GAPVD1: variants seen among roughly 807,000 people sequenced by gnomAD.
GAPVD1 encodes the protein GTPase activating protein and VPS9 domains 1, also known as GTPase-activating protein and VPS9 domain-containing protein 1.
In GAPVD1, 35 loss-of-function variants were observed where a neutral mutation model predicts 155.5. The ratio of observed to expected loss-of-function variants is 0.23; its 90% CI spans 0.17 to 0.30. The LOEUF is 0.30. Ranked by LOEUF, GAPVD1 falls within the 10% of genes least tolerant of loss-of-function variation. GAPVD1 has a pLI of 1.00. For missense variants in GAPVD1, 1,429 were observed against 1,775.7 expected, an observed-to-expected ratio of 0.80 and a Z score of 3.51; for synonymous variants, 636 against 619.7, an observed-to-expected ratio of 1.03 and a Z score of -0.39.
chr9:125,300,946 G>T lies in GAPVD1; in HGVS notation c.186-1037G>T, dbSNP rs543522008. Among the ~76,000 whole-genome samples, 15 of 152,310 alleles carry T rather than the reference G, an allele frequency of 9.8e-5. 1 individual carries two copies. The South Asian group carries it at 3.1e-3, about 32-fold the overall frequency. ...TGATTCTGCAGGTCATTACATACTG[G>T]CATGTTGCTGTTGAGAATGGTTGAG... On this transcript the variant is annotated intron_variant, in intron 4 of 27. Coordinates refer to ENST00000297933, the MANE Select transcript of GAPVD1 (RefSeq NM_001282680.3).
chr9:125,338,518 C>T (rs544824740), intron 17 of GAPVD1, among the ~76,000 whole-genome samples: 77 of 152,322 alleles, frequency 5.1e-4, no homozygotes, highest in South Asian at 1.7e-3. Context: ...CAGTCTAGAA[C>T]AGTTCCTCAG....
chr9:125,346,856 G>T lies in GAPVD1; in HGVS notation c.3084G>T (p.Val1028=). The part of the protein sequence containing the change: ...PSPRLSAQAQ[V]AEDILDKYRN... ...CTAGACTCAGTGCACAAGCTCAGGT[G>T]GCTGAGGATATTCTGGACAAATACA... The change falls in exon 20 of 28, where the codon GTG becomes GTT. Residue 1028 remains valine (V), a synonymous_variant. Transcript: ENST00000297933. 3 of 1,614,040 alleles carry T rather than the reference G, an allele frequency of 1.9e-6. No homozygotes were observed. The highest frequency in any genetic ancestry group is 2.5e-6 in the Non-Finnish European group (3 of 1,179,908).
intron 2 of GAPVD1, among the ~76,000 whole-genome samples, chr9:125,272,032 C>T (rs1834997616): frequency 6.6e-6 from 1 of 151,188 alleles, no homozygotes; most frequent in East Asian, 1.9e-4. Flanking sequence ...TACATTAATT[C>T]TTTTTTTTTG....
At chr9:125,263,699 A>G in intron 1 of GAPVD1, 1 of 206,122 alleles carries the variant, frequency 4.9e-6, no homozygotes, top group Non-Finnish European at 7.9e-6. Flanking sequence ...CTCCATCTGT[A>G]GGTATGTCTG....
At chr9:125,309,851 AT>A in intron 8 of GAPVD1, 1 of 348,282 alleles carries the variant, frequency 2.9e-6, no homozygotes, top group Non-Finnish European at 6.2e-6. Flanking sequence ...TGGCTATTGC[AT>A]TTATTTCGTA....
chr9:125,292,676 C>A (rs1838801462), intron 2 of GAPVD1, among the ~76,000 whole-genome samples: 1 of 151,792 alleles, frequency 6.6e-6, no homozygotes, highest in African/African-American at 2.4e-5. Context: ...AGGCGTGAAC[C>A]ACCACGCCCG....
chr9:125,305,626 C>T (rs1487243551), intron 6 of GAPVD1, among the ~76,000 whole-genome samples: 2 of 152,024 alleles, frequency 1.3e-5, no homozygotes, highest in African/African-American at 4.8e-5. Flanking sequence ...GCCTCGGCCT[C>T]CCAAAGTGCT....
intron 23 of GAPVD1, among the ~76,000 whole-genome samples, chr9:125,352,716 T>C (rs1849481677): frequency 6.6e-6 from 1 of 152,244 alleles, no homozygotes; most frequent in Non-Finnish European, 1.5e-5. Flanking sequence ...CAAATTTCTA[T>C]AGCCAGCGTG....
intron 6 of GAPVD1, among the ~76,000 whole-genome samples, chr9:125,306,695 G>A (rs1359043651): frequency 6.6e-6 from 1 of 152,114 alleles, no homozygotes; most frequent in Admixed American, 6.6e-5. Flanking sequence ...GTTTTGCCCT[G>A]TTGCCCCAAG....
intron 22 of GAPVD1, 130 bp from the exon 23 acceptor site, chr9:125,350,583 T>A (rs1000695370): frequency 2.9e-6 from 2 of 683,488 alleles, no homozygotes; most frequent in Admixed American, 2.8e-5. Context: ...ATTTTCTAAT[T>A]GGGAGTGGCA....
rs1362700988 is a variant in GAPVD1, at chr9:125,295,506, C to G, written c.-101C>G. On this transcript the variant is annotated 5_prime_UTR_variant, in exon 3 of 28. Transcript: ENST00000297933. ...GGAGTGCAGTGACACGATCTCAGCT[C>G]ACTGTAACCTCCGCCTCCCGGGTTC... 6.8e-6 allele frequency: 1 copy of G among 147,366 alleles called. No individual in the cohort carries two copies. Among genetic ancestry groups the G allele is most frequent in the African/African-American group, 2.5e-5 (1 of 39,704 alleles). The allele number at this position is 147,366 out of a possible 1,614,324, so 9.1% of individuals were successfully genotyped here.
intron 17 of GAPVD1, among the ~76,000 whole-genome samples, 177 bp from the exon 18 acceptor site, chr9:125,341,000 G>A (rs1390452055): frequency 6.6e-6 from 1 of 152,174 alleles, no homozygotes; most frequent in Non-Finnish European, 1.5e-5. Context: ...GGGGAGGATC[G>A]CTTGAGCCAG....
intron 6 of GAPVD1, among the ~76,000 whole-genome samples, chr9:125,306,099 T>G (rs1330120244): frequency 6.6e-6 from 1 of 152,156 alleles, no homozygotes; most frequent in Non-Finnish European, 1.5e-5. Context: ...GAGTAAAATT[T>G]CCCTTCCACG....
rs1223449998 is a variant in GAPVD1, at chr9:125,326,400, A to C, written c.1859-16A>C. On this transcript the variant is annotated splice_polypyrimidine_tract_variant and intron_variant, in intron 11 of 27. Coordinates refer to ENST00000297933, the MANE Select transcript of GAPVD1 (RefSeq NM_001282680.3). Reference sequence around the variant, plus strand: ...TGTGCTACTATTTTAAAAGTGCTTAATTTTGTTTTTGATAGCTACAACACA... The same window carrying C: ...TGTGCTACTATTTTAAAAGTGCTTACTTTTGTTTTTGATAGCTACAACACA... The C allele has an allele frequency of 6.3e-7, 1 of 1,583,974 alleles. No homozygotes were observed. The highest frequency in any genetic ancestry group is 1.7e-4 in the Middle Eastern group (1 of 5,976).
intron 20 of GAPVD1, among the ~76,000 whole-genome samples, chr9:125,348,033 G>GTGTATA (rs1554785417): frequency 1.2e-3 from 185 of 152,026 alleles, no homozygotes; most frequent in African/African-American, 4.1e-3. Flanking sequence ...GTGTGTGTGT[G>GTGTATA]TATATATATA....
intron 2 of GAPVD1, among the ~76,000 whole-genome samples, chr9:125,293,154 G>A (rs1466984072): frequency 6.6e-6 from 1 of 152,092 alleles, no homozygotes; most frequent in Admixed American, 6.6e-5. Context: ...AGGAGAGGAT[G>A]GTTCCTGAGT....
intron 21 of GAPVD1, among the ~76,000 whole-genome samples, chr9:125,349,739 C>T (rs1163614700): frequency 1.3e-5 from 2 of 152,050 alleles, no homozygotes; most frequent in Non-Finnish European, 1.5e-5. Context: ...TGGCTCACGC[C>T]TGTAATCCCA....
chr9:125,308,041 G>C (rs1842120654), intron 8 of GAPVD1, 161 bp downstream of exon 8: 1 of 628,652 alleles, frequency 1.6e-6, no homozygotes, highest in African/African-American at 1.8e-5. Flanking sequence ...TATCAGATTA[G>C]TTAAGGTTTA....
chr9:125,341,114 T>C (rs1454078151), intron 17 of GAPVD1, 63 bp from the exon 18 acceptor site: 1 of 871,560 alleles, frequency 1.1e-6, no homozygotes. Context: ...CAAAAAGAAA[T>C]CCTTTTCTTA....
Sources: allele counts gnomAD v4.1 joint callset (sites outside exome capture counted in the v4.1 genomes callset), GRCh38; gene constraint gnomAD v4.1.1; transcripts MANE v1.5; gene names NCBI Gene and HGNC (gene_info 2026-07-23, HGNC 2026-07-21).